Variants in ZNRF2 observed in about 807,000 individuals in gnomAD.
ZNRF2 encodes E3 ubiquitin-protein ligase ZNRF2.
Under a neutral mutation model 20.4 loss-of-function variants are expected in ZNRF2, and 16 were observed. That is an observed-to-expected ratio of 0.79 (90% CI 0.53 to 1.19). The LOEUF (loss-of-function observed/expected upper bound fraction) is 1.19, where lower values mean the gene tolerates loss of function less well. Among genes scored for constraint, ZNRF2 ranks in the 50% most tolerant of loss-of-function variants. The probability of loss-of-function intolerance (pLI) is 0.00; values close to 1 mark genes in which losing one functional copy is unlikely to be tolerated. For missense variants in ZNRF2, 363 were observed against 332.4 expected (o/e 1.09, Z -0.72); for synonymous variants, 178 against 144.9 (o/e 1.23, Z -1.64).
chr7:30,337,872 C>T (rs1799739906), intron 2 of ZNRF2, among the ~76,000 whole-genome samples: 1 of 152,070 alleles, frequency 6.6e-6, no homozygotes, highest in Admixed American at 6.6e-5. Flanking sequence ...TCCCTCTCAC[C>T]TGAATCACCT....
chr7:30,355,622 C>T, intron 2 of ZNRF2, 106 bp from the exon 3 acceptor site: 1 of 792,816 alleles, frequency 1.3e-6, no homozygotes, highest in Non-Finnish European at 2.0e-6. Context: ...AAAAGATATG[C>T]CAAGTAAGGT....
In ZNRF2 at chr7:30,356,152, C is replaced by A. The variant is rs77537242; in HGVS notation, c.671+319C>A. Among the ~76,000 whole-genome samples the A allele has an allele frequency of 1.2e-3, 188 of 152,128 alleles. No homozygotes were observed. The East Asian group carries it at 0.017, about 14-fold the overall frequency. On this transcript the variant is annotated intron_variant, in intron 3 of 4. Coordinates refer to ENST00000323037, the MANE Select transcript of ZNRF2 (RefSeq NM_147128.4). The stretch of plus-strand genomic sequence containing the variant: ...TAAGCTAAGGGACAGTATGGAATTG[C>A]CCCAAGGTTACAAGGCTAGTAAATG...
chr7:30,299,966 A>G (rs984109257), intron 1 of ZNRF2, among the ~76,000 whole-genome samples: 3 of 150,450 alleles, frequency 2.0e-5, no homozygotes, highest in Admixed American at 6.6e-5. Context: ...TGTATTTTTA[A>G]TAGAGACGGG....
intron 3 of ZNRF2, among the ~76,000 whole-genome samples, chr7:30,356,678 A>G (rs1231729255): frequency 6.6e-6 from 1 of 151,456 alleles, no homozygotes; most frequent in Non-Finnish European, 1.5e-5. Flanking sequence ...CTATAGAATG[A>G]CAAAAAGTAT....
chr7:30,285,327 G>C lies in ZNRF2; in HGVS notation c.-31G>C. 1 of 1,078,554 alleles carries C rather than the reference G, an allele frequency of 9.3e-7. No individual in the cohort carries two copies. Among genetic ancestry groups the C allele is most frequent in the Non-Finnish European group, 1.1e-6 (1 of 893,794 alleles). 66.8% of individuals were successfully genotyped at this position (1,078,554 alleles called of 1,614,324 possible). ...CCGCCCTCCCGGCTCTCGGGGCGCAGCGCGCGGGCCCGGCCCGGGGCAGGG... is the reference window on the plus strand; with the variant it reads ...CCGCCCTCCCGGCTCTCGGGGCGCACCGCGCGGGCCCGGCCCGGGGCAGGG... On this transcript the variant is annotated 5_prime_UTR_variant, in exon 1 of 5. Coordinates refer to ENST00000323037, the MANE Select transcript of ZNRF2 (RefSeq NM_147128.4).
rs185739314 is a variant in ZNRF2 at position 30,319,052 on chromosome 7, C to T, written c.470-4590C>T. ...ACTTGAACCCAGGGGGTGGAGGTTG[C>T]AGTGAGCCAAGATTGCGCCACTTCA... On this transcript the variant is annotated intron_variant, in intron 1 of 4. Coordinates refer to ENST00000323037, the MANE Select transcript of ZNRF2 (RefSeq NM_147128.4). Among the ~76,000 whole-genome samples the T allele has an allele frequency of 1.1e-3, 160 of 150,962 alleles. 1 individual carries two copies. Among genetic ancestry groups the T allele is most frequent in the African/African-American group, 3.4e-3 (140 of 40,940 alleles).
intron 1 of ZNRF2, among the ~76,000 whole-genome samples, chr7:30,320,030 G>A (rs1376214939): frequency 1.3e-5 from 2 of 152,060 alleles, no homozygotes; most frequent in African/African-American, 2.4e-5. Context: ...TGTACTACCT[G>A]TGTGTCCGTG....
chr7:30,306,262 T>C (rs1799203546), intron 1 of ZNRF2, among the ~76,000 whole-genome samples: 1 of 152,124 alleles, frequency 6.6e-6, no homozygotes, highest in African/African-American at 2.4e-5. Context: ...CATAAAATAC[T>C]TAAAATAATG....
Position 30,321,793 on chromosome 7 carries a change from AGT to A in ZNRF2, c.470-1848_470-1847del, listed in dbSNP as rs564152093. On this transcript the variant is annotated intron_variant, in intron 1 of 4. Transcript: ENST00000323037. ...TAGTTGATGCTTAAAATCTGGTTGC[AGT>A]TTTAGGATCTCTGCTTTCTCCCCAT... Among the ~76,000 whole-genome samples the A allele has an allele frequency of 1.2e-4, 18 of 152,164 alleles. 1 individual carries two copies. Among genetic ancestry groups the A allele is most frequent in the Admixed American group, 6.5e-4 (10 of 15,270 alleles).
chr7:30,330,062 G>C (rs1799613178), intron 2 of ZNRF2, among the ~76,000 whole-genome samples: 1 of 151,832 alleles, frequency 6.6e-6, no homozygotes, highest in Non-Finnish European at 1.5e-5. Flanking sequence ...TGATTGTATT[G>C]GTCTTTAAAC....
chr7:30,301,649 T>C (rs923816749), intron 1 of ZNRF2, among the ~76,000 whole-genome samples: 1 of 151,382 alleles, frequency 6.6e-6, no homozygotes, highest in Non-Finnish European at 1.5e-5. Flanking sequence ...CATCTTTTGC[T>C]TTCTTGGGCT....
chr7:30,316,384 T>G (rs1799377990), intron 1 of ZNRF2, among the ~76,000 whole-genome samples: 1 of 149,892 alleles, frequency 6.7e-6, no homozygotes, highest in South Asian at 2.1e-4. Context: ...GAATATATGG[T>G]CCTGATGTGA....
chr7:30,344,006 G>T (rs1799838514), intron 2 of ZNRF2, among the ~76,000 whole-genome samples: 1 of 143,624 alleles, frequency 7.0e-6, no homozygotes, highest in African/African-American at 2.6e-5. Context: ...TGCAACCTCT[G>T]CCTCCCAGGT....
intron 1 of ZNRF2, among the ~76,000 whole-genome samples, chr7:30,311,104 T>A (rs1370058408): frequency 6.6e-6 from 1 of 152,154 alleles, no homozygotes; most frequent in East Asian, 1.9e-4. Context: ...GCTGCGGTAC[T>A]CTCTGCGCTG....
chr7:30,328,889 G>C (rs576534951), intron 2 of ZNRF2, among the ~76,000 whole-genome samples: 1 of 152,226 alleles, frequency 6.6e-6, no homozygotes, highest in Non-Finnish European at 1.5e-5. Flanking sequence ...TATTTTGGCA[G>C]CTTGAAAAAA....
intron 4 of ZNRF2, among the ~76,000 whole-genome samples, 193 bp from the exon 5 acceptor site, chr7:30,365,842 C>G (rs1033109339): frequency 1.3e-5 from 2 of 152,028 alleles, no homozygotes; most frequent in South Asian, 2.1e-4. Context: ...TCTTTACTTG[C>G]GTGTAGTCCT....
At chr7:30,310,281 A>G (rs991557307) in intron 1 of ZNRF2, among the ~76,000 whole-genome samples, 41 of 152,224 alleles carry the variant, frequency 2.7e-4, no homozygotes, top group African/African-American at 8.0e-4. Context: ...AATGCAACTT[A>G]CTGGCAGCTT....
At chr7:30,311,224 A>G (rs1799287820) in intron 1 of ZNRF2, among the ~76,000 whole-genome samples, 1 of 152,192 alleles carries the variant, frequency 6.6e-6, no homozygotes. Flanking sequence ...GTCCGGCACA[A>G]GAACCTGCAC....
chr7:30,361,500 T>C (rs1476179430), intron 3 of ZNRF2, among the ~76,000 whole-genome samples: 1 of 152,186 alleles, frequency 6.6e-6, no homozygotes, highest in Admixed American at 6.5e-5. Context: ...CCAATGAAAA[T>C]GTTGAACAGG....
Sources: allele counts gnomAD v4.1 joint callset (sites outside exome capture counted in the v4.1 genomes callset), GRCh38; gene constraint gnomAD v4.1.1; transcripts MANE v1.5; gene names NCBI Gene and HGNC (gene_info 2026-07-23, HGNC 2026-07-21).